Variants in NCMAP observed in about 807,000 individuals in gnomAD.
The protein encoded by NCMAP is non-compact myelin associated protein.
NCMAP carries 8 observed loss-of-function variants against 7.8 expected under a neutral mutation model. The ratio of observed to expected loss-of-function variants is 1.02; its 90% CI spans 0.60 to 1.84. The LOEUF (loss-of-function observed/expected upper bound fraction) is 1.84, where lower values mean the gene tolerates loss of function less well. Ranked by LOEUF, NCMAP falls within the 40% of genes most tolerant of loss-of-function variation. The pLI is 0.00. For missense variants in NCMAP, 112 were observed against 131.4 expected (o/e 0.85, Z 0.72); for synonymous variants, 41 against 52.9 (o/e 0.78, Z 0.98).
intron 3 of NCMAP, among the ~76,000 whole-genome samples, chr1:24,601,450 T>C (rs1652485147): frequency 6.6e-6 from 1 of 152,214 alleles, no homozygotes. Flanking sequence ...AATAAAAGAA[T>C]ATAATTTGAT....
intron 1 of NCMAP, among the ~76,000 whole-genome samples, chr1:24,591,688 G>T (rs575365020): frequency 6.6e-6 from 1 of 152,312 alleles, no homozygotes; most frequent in African/African-American, 2.4e-5. Flanking sequence ...TGGCAGGAGT[G>T]GGGAGGTCAG....
intron 1 of NCMAP, among the ~76,000 whole-genome samples, chr1:24,575,903 C>T (rs7527475): frequency 0.16 from 20,868 of 129,618 alleles, 2,393 homozygotes; most frequent in African/African-American, 0.35. Flanking sequence ...CGAGATCGCA[C>T]CATTGCACTC....
chr1:24,575,314 A>G (rs1003580161), intron 1 of NCMAP, among the ~76,000 whole-genome samples: 1 of 152,288 alleles, frequency 6.6e-6, no homozygotes, highest in Middle Eastern at 3.4e-3. Context: ...GAAAAAAAAT[A>G]AAATTTTTAG....
chr1:24,558,638 T>C (rs541249897), intron 1 of NCMAP, among the ~76,000 whole-genome samples: 2 of 152,270 alleles, frequency 1.3e-5, no homozygotes, highest in African/African-American at 4.8e-5. Context: ...TGACCCCCCC[T>C]CATCCTGTTG....
chr1:24,575,782 C>A (rs1557596024), intron 1 of NCMAP, among the ~76,000 whole-genome samples: 2 of 151,084 alleles, frequency 1.3e-5, no homozygotes, highest in Non-Finnish European at 2.9e-5. Context: ...CCCGTCTCTG[C>A]TAAAAATACA....
chr1:24,570,817 A>G (rs1651368919), intron 1 of NCMAP, among the ~76,000 whole-genome samples: 1 of 151,052 alleles, frequency 6.6e-6, no homozygotes, highest in Admixed American at 6.6e-5. Flanking sequence ...GCTCAGTGCC[A>G]CAGTCTCTAG....
chr1:24,580,124 C>T (rs1387388600), intron 1 of NCMAP, among the ~76,000 whole-genome samples: 2 of 152,198 alleles, frequency 1.3e-5, no homozygotes, highest in Non-Finnish European at 2.9e-5. Context: ...CAGCCTGCGG[C>T]AGCACTGCCC....
In NCMAP at chr1:24,576,343, C is replaced by G. The variant is rs11808054; in HGVS notation, c.-7-19081C>G. 0.15 allele frequency among the ~76,000 whole-genome samples: 22,898 copies of G among 152,170 alleles called. 2,585 individuals are homozygous for G. Among genetic ancestry groups the G allele is most frequent in the African/African-American group, 0.32 (13,305 of 41,474 alleles). ...ACCGCAGGTCCCCCAGACAAACGCC[C>G]CTCTGTATCTTTGGGCCTATTGTGA... is the stretch of plus-strand genomic sequence containing the variant. On this transcript the variant is annotated intron_variant, in intron 1 of 3. Transcript: ENST00000374392. The surrounding 1 kb of genome is among the most constrained non-coding windows in gnomAD (Gnocchi z 4.0).
At chr1:24,575,918 A>G (rs1432235112) in intron 1 of NCMAP, among the ~76,000 whole-genome samples, 1 of 85,004 alleles carries the variant, frequency 1.2e-5, no homozygotes, top group Admixed American at 1.0e-4. Flanking sequence ...GCACTCTCAA[A>G]AAAAAAAAAA....
intron 3 of NCMAP, among the ~76,000 whole-genome samples, chr1:24,605,376 T>C (rs74062034): frequency 0.054 from 8,212 of 152,214 alleles, 756 homozygotes; most frequent in African/African-American, 0.19. Flanking sequence ...CATTCCTTAA[T>C]AGAAACAAAT....
chr1:24,558,885 A>T (rs567417345), intron 1 of NCMAP, among the ~76,000 whole-genome samples: 33 of 152,218 alleles, frequency 2.2e-4, no homozygotes, highest in South Asian at 8.3e-4. Context: ...TCATCCAATA[A>T]ATTGGGATGA....
chr1:24,586,764 A>C (rs1651894518), intron 1 of NCMAP, among the ~76,000 whole-genome samples: 1 of 151,762 alleles, frequency 6.6e-6, no homozygotes, highest in Non-Finnish European at 1.5e-5. Flanking sequence ...CATCTCAAAA[A>C]AAAAAAAAAA....
intron 2 of NCMAP, among the ~76,000 whole-genome samples, chr1:24,597,941 T>C (rs1420787771): frequency 6.7e-6 from 1 of 149,940 alleles, no homozygotes; most frequent in African/African-American, 2.5e-5. Flanking sequence ...TGGCATTGTC[T>C]GGAGATATCT....
chr1:24,585,310 C>T (rs1051235048), intron 1 of NCMAP, among the ~76,000 whole-genome samples: 4 of 152,134 alleles, frequency 2.6e-5, no homozygotes, highest in Admixed American at 6.5e-5. Context: ...AGTTCATTCC[C>T]GGGTTTCCTT....
In NCMAP at chr1:24,570,296, CAT is replaced by C. The variant is rs952877747; in HGVS notation, c.-8+14129_-8+14130del. On this transcript the variant is annotated intron_variant, in intron 1 of 3. Transcript: ENST00000374392. ...TTTTGCTTAGAAACAATCAAATAAA[CAT>C]AAAGTAAGTTAGGCCCCATCTCTAA... 3.3e-5 allele frequency among the ~76,000 whole-genome samples: 5 copies of C among 150,504 alleles called. 1 individual carries two copies. Among genetic ancestry groups the C allele is most frequent in the African/African-American group, 1.3e-4 (5 of 39,884 alleles).
intron 1 of NCMAP, among the ~76,000 whole-genome samples, chr1:24,578,560 C>CTTTTTTTTTTTTTTTTTTTT (rs555342098): frequency 1.9e-5 from 2 of 107,378 alleles, no homozygotes; most frequent in African/African-American, 4.3e-5. Flanking sequence ...TTCTTTCTTT[C>CTTTTTTTTTTTTTTTTTTTT]TTTTTTTTTT....
rs71577720 is a variant in NCMAP, at chr1:24,577,401, GTTTTTTTTTTTTTTTTTTTTT to G, written c.-7-18013_-7-17993del. Among the ~76,000 whole-genome samples the G allele has an allele frequency of 7.5e-5, 3 of 39,956 alleles. 1 individual carries two copies. Among genetic ancestry groups the G allele is most frequent in the Non-Finnish European group, 1.3e-4 (3 of 22,310 alleles). 26.2% of individuals were successfully genotyped at this position (39,956 alleles called of 152,430 possible). A position where few individuals can be genotyped will look rare whatever the true frequency, so the allele number is the denominator to read the frequency against. Reference sequence around the variant, plus strand: ...GAGTTTCTAAGAAGGCACTGGCCTTGTTTTTTTTTTTTTTTTTTTTTTTTTTTTTTGGTTTTTTTGTTTGTT... The same window carrying G: ...GAGTTTCTAAGAAGGCACTGGCCTTGTTTTTTTTTGGTTTTTTTGTTTGTT... On this transcript the variant is annotated intron_variant, in intron 1 of 3. Coordinates refer to ENST00000374392, the MANE Select transcript of NCMAP (RefSeq NM_001010980.5).
At position 24,605,761 on chromosome 1, in the gene NCMAP, G is replaced by C; in HGVS notation, c.*14G>C. The C allele has an allele frequency of 6.2e-7, 1 of 1,613,836 alleles. No homozygotes were observed. The highest frequency in any genetic ancestry group is 1.1e-5 in the South Asian group (1 of 91,048). On this transcript the variant is annotated 3_prime_UTR_variant, in exon 4 of 4. Transcript: ENST00000374392. ...GAGACGCGATGACCTCTACCCTGGC[G>C]CTATCTCCACCACTGTCCAAAGAGC... is the stretch of plus-strand genomic sequence containing the variant.
intron 1 of NCMAP, among the ~76,000 whole-genome samples, chr1:24,556,448 A>C (rs6656106): frequency 0.2 from 30,952 of 151,966 alleles, 3,301 homozygotes; most frequent in East Asian, 0.24. Flanking sequence ...CCACCCAAGC[A>C]TCTGGCGGAG....
Sources: allele counts gnomAD v4.1 joint callset (sites outside exome capture counted in the v4.1 genomes callset), GRCh38; gene constraint gnomAD v4.1.1; non-coding constraint Gnocchi (gnomAD v3.1); transcripts MANE v1.5; gene names NCBI Gene and HGNC (gene_info 2026-07-23, HGNC 2026-07-21).